KNDC1: variants seen among roughly 807,000 people sequenced by gnomAD.
KNDC1 encodes kinase non-catalytic C-lobe domain containing 1, also known as kinase non-catalytic C-lobe domain-containing protein 1.
Under a neutral mutation model 172.8 loss-of-function variants are expected in KNDC1, and 106 were observed. The ratio of observed to expected loss-of-function variants is 0.61; its 90% CI spans 0.52 to 0.72. The LOEUF (loss-of-function observed/expected upper bound fraction) is 0.72. Among genes scored for constraint, KNDC1 ranks in the 30% least tolerant of loss-of-function variants. The pLI, the probability that KNDC1 is intolerant of heterozygous loss-of-function variation, is 0.00. For missense variants in KNDC1, 2,325 were observed against 2,394.5 expected, an observed-to-expected ratio of 0.97 and a Z score of 0.61; for synonymous variants, 1,083 against 1,062.2, an observed-to-expected ratio of 1.02 and a Z score of -0.38.
chr10:133,164,491 C>G (rs959205654), intron 1 of KNDC1, among the ~76,000 whole-genome samples: 5 of 152,216 alleles, frequency 3.3e-5, no homozygotes, highest in Non-Finnish European at 7.3e-5. Flanking sequence ...GGAGGCGGCG[C>G]TGGGCAGACA....
intron 9 of KNDC1, among the ~76,000 whole-genome samples, chr10:133,191,164 C>A (rs543030963): frequency 6.6e-4 from 101 of 152,146 alleles, no homozygotes; most frequent in African/African-American, 2.1e-3. Flanking sequence ...CATGGCGAAA[C>A]CCCATCTCTA....
chr10:133,206,642 T>A lies in KNDC1; in HGVS notation c.3388-43T>A, dbSNP rs559654090. 1.7e-4 allele frequency: 258 copies of A among 1,541,574 alleles called. 5 individuals carry two copies. In the South Asian group the frequency reaches 2.1e-3, roughly 13 times the overall value. ...CCTGGCCCTGGATGTGGCTGACGTG[T>A]GTTGGGGCTGCCTGGGGCTTAGGCG... On this transcript the variant is annotated intron_variant, in intron 17 of 29. Transcript: ENST00000304613.
chr10:133,178,576 C>T (rs1299269508), intron 3 of KNDC1, among the ~76,000 whole-genome samples: 2 of 152,192 alleles, frequency 1.3e-5, no homozygotes, highest in South Asian at 2.1e-4. Flanking sequence ...CTGAGGGTTC[C>T]GGTCCCCCCT....
intron 28 of KNDC1, 78 bp downstream of exon 28, chr10:133,219,168 C>T (rs1845529978): frequency 2.0e-6 from 3 of 1,488,098 alleles, no homozygotes; most frequent in Non-Finnish European, 2.8e-6. Context: ...CAGAGCCTGC[C>T]GCACCCAGAC....
rs1564869723 is a variant in KNDC1 at position 133,163,930 on chromosome 10, C to CAAT, written c.102+3361_102+3362insAAT. On this transcript the variant is annotated intron_variant, in intron 1 of 29. Coordinates refer to ENST00000304613, the MANE Select transcript of KNDC1 (RefSeq NM_152643.8). This position sits in a 1 kb window ranked among gnomAD's most constrained non-coding sequence, Gnocchi z 4.4. ...GGATGGGGGTGGAGTTCGTGGCCAC[C>CAAT]TGCCTTCCCAAATCCCTCCTCCCAC... 0.015 allele frequency among the ~76,000 whole-genome samples: 1,283 copies of CAAT among 83,604 alleles called. 120 individuals are homozygous for CAAT. Among genetic ancestry groups the CAAT allele is most frequent in the Admixed American group, 0.023 (173 of 7,588 alleles). The allele number at this position is 83,604 out of a possible 152,430, so 54.8% of individuals were successfully genotyped here. A position where few individuals can be genotyped will look rare whatever the true frequency, so the allele number is the denominator to read the frequency against.
Position 133,201,704 on chromosome 10 carries a change from G to A in KNDC1, c.3193G>A (p.Ala1065Thr), listed in dbSNP as rs1854373058. The A allele has an allele frequency of 1.9e-6, 3 of 1,611,034 alleles. No homozygotes were observed. Among genetic ancestry groups the A allele is most frequent in the Admixed American group, 1.7e-5 (1 of 59,860 alleles). The change falls in exon 17 of 30, where the codon GCA becomes ACA. Residue 1065 changes from alanine to threonine, a missense_variant. Ala to Thr is a moderately conservative substitution (Grantham distance 58). Coordinates refer to ENST00000304613, the MANE Select transcript of KNDC1 (RefSeq NM_152643.8). ...AGCTGGCGGGGCCTCAGACGTGGAG[G>A]CAGTGACCCGACTGGCCAGGTCCAA... ...RPAGGASDVE[A>T]VTRLARSKGV...
At chr10:133,196,498 G>T (rs1051728789) in intron 10 of KNDC1, among the ~76,000 whole-genome samples, 6 of 152,064 alleles carry the variant, frequency 3.9e-5, no homozygotes, top group African/African-American at 1.4e-4. Flanking sequence ...CGGCCATGGG[G>T]TTGGGGACCT....
intron 5 of KNDC1, among the ~76,000 whole-genome samples, chr10:133,185,220 C>T (rs187506948): frequency 3.1e-3 from 463 of 148,314 alleles, no homozygotes; most frequent in Middle Eastern, 6.9e-3. Context: ...GTGGAGTAGG[C>T]AGTGTGTGCA....
chr10:133,209,694 C>T lies in KNDC1; in HGVS notation c.3795-917C>T, dbSNP rs1045393516. On this transcript the variant is annotated intron_variant, in intron 20 of 29. Transcript: ENST00000304613. The surrounding 1 kb of genome is among the most constrained non-coding windows in gnomAD (Gnocchi z 4.9). ...GTGATGTGGTCACGAGGGGCTTCCC[C>T]GCTCTGTGGACCTGGTGGGCGTCAC... Among the ~76,000 whole-genome samples, 3 of 152,164 alleles carry T rather than the reference C, an allele frequency of 2.0e-5. No homozygotes were observed. Among genetic ancestry groups the T allele is most frequent in the East Asian group, 1.9e-4 (1 of 5,176 alleles).
chr10:133,200,456 C>T lies in KNDC1; in HGVS notation c.2985C>T (p.Arg995=). Residue 995 remains arginine (R), a synonymous_variant, in exon 16 of 30, where the codon CGC becomes CGT. Transcript: ENST00000304613. Reference sequence around the variant, plus strand: ...CCAGCAAGAGGCCGTCGCTGCACCGCCTGGGTAAGTGCTGGGCGGGCCCCG... The same window carrying T: ...CCAGCAAGAGGCCGTCGCTGCACCGTCTGGGTAAGTGCTGGGCGGGCCCCG... ...SPSSKRPSLH[R]LGKEKPAMAR... The T allele has an allele frequency of 6.3e-7, 1 of 1,577,748 alleles. No individual in the cohort carries two copies. Among genetic ancestry groups the T allele is most frequent in the Non-Finnish European group, 8.6e-7 (1 of 1,163,674 alleles).
chr10:133,168,494 G>A (rs930070640), intron 3 of KNDC1, among the ~76,000 whole-genome samples, 182 bp downstream of exon 3: 7 of 151,996 alleles, frequency 4.6e-5, no homozygotes, highest in South Asian at 2.1e-4. Flanking sequence ...ACCCGGCTTC[G>A]TCCCCTGCAG....
chr10:133,224,518 T>C lies in KNDC1; in HGVS notation c.5019-141T>C. The C allele has an allele frequency of 1.5e-6, 1 of 647,962 alleles. No individual in the cohort carries two copies. Among genetic ancestry groups the C allele is most frequent in the South Asian group, 1.9e-5 (1 of 51,320 alleles). The allele number at this position is 647,962 out of a possible 1,614,324, so 40.1% of individuals were successfully genotyped here. A position where few individuals can be genotyped will look rare whatever the true frequency, so the allele number is the denominator to read the frequency against. On this transcript the variant is annotated intron_variant, in intron 29 of 29. Coordinates refer to ENST00000304613, the MANE Select transcript of KNDC1 (RefSeq NM_152643.8). This position sits in a 1 kb window ranked among gnomAD's most constrained non-coding sequence, Gnocchi z 5.4. ...GTGACCTTTCCACCTCGCCAATAAA[T>C]ACAGACAACCCACCCTTCAGAATTT...
intron 17 of KNDC1, among the ~76,000 whole-genome samples, chr10:133,205,493 G>A (rs950570182): frequency 4.6e-5 from 7 of 152,234 alleles, no homozygotes; most frequent in East Asian, 1.9e-4. Context: ...ACACCCGGGC[G>A]TGCACTCACA....
In KNDC1 at chr10:133,214,114, A is replaced by G; in HGVS notation, c.4669A>G (p.Thr1557Ala). Residue 1557 changes from threonine (T) to alanine (A), a missense_variant, in exon 26 of 30, where the codon ACC (threonine) becomes GCC (alanine). Transcript: ENST00000304613. ...WVAAEIVTSH[T>A]SKLQVNLLSK... ...GGCTGCAGAGATTGTGACCAGCCACACCTCCAAGGTGGGCACCCTACAGTT... is the reference window on the plus strand; with the variant it reads ...GGCTGCAGAGATTGTGACCAGCCACGCCTCCAAGGTGGGCACCCTACAGTT... 1.2e-6 allele frequency: 2 copies of G among 1,613,956 alleles called. No homozygotes were observed. The highest frequency in any genetic ancestry group is 8.5e-7 in the Non-Finnish European group (1 of 1,179,982).
rs1854458754 is a variant in KNDC1, at chr10:133,204,189, C to CCT, written c.3387+2291_3387+2292insCT. Among the ~76,000 whole-genome samples, 4 of 152,338 alleles carry CCT rather than the reference C, an allele frequency of 2.6e-5. No homozygotes were observed. The East Asian group carries it at 7.7e-4, about 29-fold the overall frequency. ...GACCAGGTGCCCCGGCAGCAGAACA[C>CCT]AGCTCCATGGGGACACCTGCGTTTA... On this transcript the variant is annotated intron_variant, in intron 17 of 29. Coordinates refer to ENST00000304613, the MANE Select transcript of KNDC1 (RefSeq NM_152643.8).
rs1854168665 is a variant in KNDC1 at position 133,195,663 on chromosome 10, G to T, written c.1576G>T (p.Ala526Ser). ...CACTATTCTCTCCCCACCCGCCCAG[G>T]CCTCTGTGTACTGTGTGGCCGCCGT... ...LAEERLVTEK[A>S]SVYCVAAVLW... The change falls in exon 10 of 30, where the codon GCC (alanine) becomes TCC (serine). Residue 526 changes from alanine to serine, a missense_variant and splice_region_variant. Ala to Ser is a moderately conservative substitution (Grantham distance 99). Transcript: ENST00000304613. 2 of 1,591,970 alleles carry T rather than the reference G, an allele frequency of 1.3e-6. No individual in the cohort carries two copies. Among genetic ancestry groups the T allele is most frequent in the Non-Finnish European group, 8.5e-7 (1 of 1,169,708 alleles).
intron 5 of KNDC1, among the ~76,000 whole-genome samples, chr10:133,185,343 G>GCAGTGTGGAGTAGGCAGTGTGTA (rs1391384246): frequency 2.5e-4 from 31 of 122,294 alleles, no homozygotes; most frequent in African/African-American, 8.0e-4. Flanking sequence ...GGCAGTGTGT[G>GCAGTGTGGAGTAGGCAGTGTGTA]CAGTGTGGAG....
chr10:133,219,646 C>T (rs1232096391), intron 28 of KNDC1, among the ~76,000 whole-genome samples: 1 of 152,166 alleles, frequency 6.6e-6, no homozygotes, highest in African/African-American at 2.4e-5. Flanking sequence ...TTTAGGGAAG[C>T]TGGGTTACCT....
At chr10:133,171,642 T>A (rs938235137) in intron 3 of KNDC1, among the ~76,000 whole-genome samples, 1 of 152,010 alleles carries the variant, frequency 6.6e-6, no homozygotes, top group African/African-American at 2.4e-5. Flanking sequence ...TGCAATGCAC[T>A]TTTTTTTCTT....
Sources: allele counts gnomAD v4.1 joint callset (sites outside exome capture counted in the v4.1 genomes callset), GRCh38; gene constraint gnomAD v4.1.1; non-coding constraint Gnocchi (gnomAD v3.1); transcripts MANE v1.5; gene names NCBI Gene and HGNC (gene_info 2026-07-23, HGNC 2026-07-21).